Variants in CYTH3 observed in about 807,000 individuals in gnomAD.
CYTH3 encodes the protein cytohesin-3.
CYTH3 carries 23 observed loss-of-function variants against 55.1 expected under a neutral mutation model. The ratio of observed to expected loss-of-function variants is 0.42; its 90% CI spans 0.30 to 0.59. CYTH3 has a LOEUF of 0.59. CYTH3 is among the 20% of genes least tolerant of loss of function. The probability of loss-of-function intolerance (pLI) is 0.20; values close to 1 mark genes in which losing one functional copy is unlikely to be tolerated. For synonymous variants in CYTH3, 249 were observed against 194.9 expected, an observed-to-expected ratio of 1.28 and a Z score of -2.31; for missense variants, 413 against 524.8, an observed-to-expected ratio of 0.79 and a Z score of 2.08.
At chr7:6,197,816 G>A (rs926006846) in intron 1 of CYTH3, among the ~76,000 whole-genome samples, 10 of 152,192 alleles carry the variant, frequency 6.6e-5, no homozygotes, top group Non-Finnish European at 1.3e-4. Flanking sequence ...ATTTGGCCAG[G>A]TGTAATGGCT....
Position 6,164,618 on chromosome 7 carries a change from C to G in CYTH3, c.*326G>C, listed in dbSNP as rs555126303. 2.0e-4 allele frequency: 75 copies of G among 381,704 alleles called. No homozygotes were observed. The East Asian group carries it at 2.4e-3, about 12-fold the overall frequency. The allele number at this position is 381,704 out of a possible 1,614,324, so 23.6% of individuals were successfully genotyped here. ...GGAAGCTGCTGTCCTGGCTTCTCCCCCTAGGGGCGCCGGGATGGTCGCAGG... is the reference window on the plus strand; with the variant it reads ...GGAAGCTGCTGTCCTGGCTTCTCCCGCTAGGGGCGCCGGGATGGTCGCAGG... On this transcript the variant is annotated 3_prime_UTR_variant, in exon 13 of 13. Coordinates refer to ENST00000350796, the MANE Select transcript of CYTH3 (RefSeq NM_004227.4).
intron 1 of CYTH3, among the ~76,000 whole-genome samples, chr7:6,225,695 T>G (rs1379124160): frequency 2.0e-5 from 3 of 151,062 alleles, no homozygotes; most frequent in Non-Finnish European, 4.4e-5. Flanking sequence ...TTTTTTTTTT[T>G]GGAAATGGAG....
intron 1 of CYTH3, among the ~76,000 whole-genome samples, chr7:6,269,862 A>G (rs2115073254): frequency 6.6e-6 from 1 of 152,286 alleles, no homozygotes; most frequent in East Asian, 1.9e-4. Flanking sequence ...TTTTAACCTG[A>G]CCATTAACAA....
At chr7:6,182,508 G>A (rs1023424587) in intron 4 of CYTH3, among the ~76,000 whole-genome samples, 1 of 152,150 alleles carries the variant, frequency 6.6e-6, no homozygotes, top group East Asian at 1.9e-4. Flanking sequence ...CACCACATCT[G>A]GCTTGATAAA....
chr7:6,177,758 G>A (rs1783386496), intron 5 of CYTH3, 65 bp downstream of exon 5: 2 of 1,271,466 alleles, frequency 1.6e-6, no homozygotes, highest in African/African-American at 1.5e-5. Context: ...AGTGGAGCGT[G>A]AGCCTAGGTC....
chr7:6,236,792 A>G (rs993355822), intron 1 of CYTH3, among the ~76,000 whole-genome samples: 4 of 151,300 alleles, frequency 2.6e-5, no homozygotes, highest in Non-Finnish European at 5.9e-5. Context: ...TGAACTCCTG[A>G]CCTCAAGTGA....
In CYTH3 at chr7:6,162,801, G is replaced by A. The variant is rs1782875575; in HGVS notation, c.*2143C>T. Reference sequence around the variant, plus strand: ...GCTGCTTCTCCCAACACCCAAAACAGAAAGCTCTGCATCCCCAGGTCACAC... The same window carrying A: ...GCTGCTTCTCCCAACACCCAAAACAAAAAGCTCTGCATCCCCAGGTCACAC... On this transcript the variant is annotated 3_prime_UTR_variant, in exon 13 of 13. Coordinates refer to ENST00000350796, the MANE Select transcript of CYTH3 (RefSeq NM_004227.4). The A allele has an allele frequency of 6.6e-6, 1 of 152,552 alleles. No individual in the cohort carries two copies. The highest frequency in any genetic ancestry group is 2.1e-4 in the South Asian group (1 of 4,832). 9.4% of individuals were successfully genotyped at this position (152,552 alleles called of 1,614,324 possible).
chr7:6,239,357 T>C (rs1314231289), intron 1 of CYTH3, among the ~76,000 whole-genome samples: 1 of 152,168 alleles, frequency 6.6e-6, no homozygotes, highest in Non-Finnish European at 1.5e-5. Flanking sequence ...AGCTCTGACC[T>C]CTCCCCTTTA....
At chr7:6,218,899 G>A (rs1160623224) in intron 1 of CYTH3, among the ~76,000 whole-genome samples, 2 of 151,696 alleles carry the variant, frequency 1.3e-5, no homozygotes, top group African/African-American at 4.8e-5. Flanking sequence ...CAGCTACTTG[G>A]GAGGCTGAGG....
intron 4 of CYTH3, among the ~76,000 whole-genome samples, chr7:6,186,540 G>A (rs1177649228): frequency 1.3e-5 from 2 of 151,932 alleles, no homozygotes; most frequent in South Asian, 2.1e-4. Flanking sequence ...TAAATGTGGA[G>A]GATCCCTTGT....
At chr7:6,268,992 A>G (rs1474639028) in intron 1 of CYTH3, among the ~76,000 whole-genome samples, 1 of 152,214 alleles carries the variant, frequency 6.6e-6, no homozygotes, top group Non-Finnish European at 1.5e-5. Context: ...AAGGGGCAGG[A>G]GCTGGAGCCA....
chr7:6,258,137 T>A (rs756592497), intron 1 of CYTH3, among the ~76,000 whole-genome samples: 5 of 152,006 alleles, frequency 3.3e-5, no homozygotes, highest in Admixed American at 1.3e-4. Context: ...TTCTTTGGTT[T>A]GCTTTTTCTT....
At chr7:6,246,977 A>C (rs1779835838) in intron 1 of CYTH3, among the ~76,000 whole-genome samples, 1 of 152,226 alleles carries the variant, frequency 6.6e-6, no homozygotes, top group African/African-American at 2.4e-5. Flanking sequence ...GTTTTGTTTA[A>C]GAAAAATTTA....
At chr7:6,245,111 G>A (rs1026934867) in intron 1 of CYTH3, among the ~76,000 whole-genome samples, 2 of 150,994 alleles carry the variant, frequency 1.3e-5, no homozygotes, top group African/African-American at 2.4e-5. Context: ...GAGCCACCGC[G>A]CCCGGCCTTC....
At chr7:6,182,842 C>T (rs1248223179) in intron 4 of CYTH3, among the ~76,000 whole-genome samples, 1 of 152,166 alleles carries the variant, frequency 6.6e-6, no homozygotes, top group Non-Finnish European at 1.5e-5. Flanking sequence ...TTCCTCCAGC[C>T]TTAGTTCTTC....
intron 2 of CYTH3, among the ~76,000 whole-genome samples, chr7:6,190,157 T>C (rs939317617): frequency 6.6e-6 from 1 of 152,240 alleles, no homozygotes; most frequent in East Asian, 1.9e-4. Flanking sequence ...ATACGCTGCC[T>C]GTGGCCCTGG....
At chr7:6,198,845 G>A (rs918078565) in intron 1 of CYTH3, among the ~76,000 whole-genome samples, 1 of 151,572 alleles carries the variant, frequency 6.6e-6, no homozygotes, top group African/African-American at 2.4e-5. Context: ...CTGGTTGAAT[G>A]CACCCACCAC....
chr7:6,270,075 T>C (rs1206882813), intron 1 of CYTH3, among the ~76,000 whole-genome samples: 2 of 152,226 alleles, frequency 1.3e-5, no homozygotes, highest in Non-Finnish European at 2.9e-5. Flanking sequence ...GAGCTCAACT[T>C]TATTTTTTTA....
At chr7:6,193,944 G>T (rs1320389363) in intron 1 of CYTH3, among the ~76,000 whole-genome samples, 1 of 152,158 alleles carries the variant, frequency 6.6e-6, no homozygotes, top group Non-Finnish European at 1.5e-5. Flanking sequence ...CTGGACAGAG[G>T]CTGGGACAAG....
Sources: gnomAD v4.1 joint callset for allele counts (sites outside exome capture counted in the v4.1 genomes callset) on GRCh38, gnomAD v4.1.1 for gene constraint, MANE v1.5 for transcripts, NCBI Gene and HGNC (gene_info 2026-07-23, HGNC 2026-07-21) for gene names.